EZH2: variants seen among roughly 807,000 people sequenced by gnomAD.
EZH2 encodes histone-lysine N-methyltransferase EZH2.
In EZH2, 18 loss-of-function variants were observed where a neutral mutation model predicts 98.4. The observed-to-expected ratio is 0.18, with a 90% CI of 0.13 to 0.27. The LOEUF (loss-of-function observed/expected upper bound fraction) is 0.27, where lower values mean the gene tolerates loss of function less well. EZH2 is among the 10% of genes least tolerant of loss of function. The pLI, the probability that EZH2 is intolerant of heterozygous loss-of-function variation, is 1.00. For synonymous variants in EZH2, 338 were observed against 312.3 expected (o/e 1.08, Z -0.87); for missense variants, 470 against 935.1 (o/e 0.50, Z 6.49).
At chr7:148,809,232 C>G in intron 18 of EZH2, 77 bp from the exon 19 acceptor site, 1 of 1,587,820 alleles carries the variant, frequency 6.3e-7, no homozygotes, top group Non-Finnish European at 8.6e-7. Context: ...ACATAACAAA[C>G]AACTATCCCA....
In EZH2 at chr7:148,846,419, G is replaced by A. The variant is rs1202801610; in HGVS notation, c.246+51C>T. On this transcript the variant is annotated intron_variant, in intron 3 of 19. Coordinates refer to ENST00000320356, the MANE Select transcript of EZH2 (RefSeq NM_004456.5). ...CAATAACCAAACAAATGTTCCAATAGCATAAACCAAAAGATGATGATAATT... is the reference window on the plus strand; with the variant it reads ...CAATAACCAAACAAATGTTCCAATAACATAAACCAAAAGATGATGATAATT... 4.4e-6 allele frequency: 7 copies of A among 1,576,660 alleles called. No homozygotes were observed. In the East Asian group the frequency reaches 1.4e-4, roughly 31 times the overall value.
intron 3 of EZH2, among the ~76,000 whole-genome samples, chr7:148,845,772 C>A (rs1225810810): frequency 6.6e-6 from 1 of 152,218 alleles, no homozygotes; most frequent in Non-Finnish European, 1.5e-5. Context: ...TGCTTCAACT[C>A]CCCTTTAAAT....
chr7:148,831,109 C>T (rs969138344), intron 4 of EZH2, among the ~76,000 whole-genome samples: 2 of 152,144 alleles, frequency 1.3e-5, no homozygotes, highest in African/African-American at 2.4e-5. Context: ...AAAGGCCACA[C>T]ACAGGACTAG....
At chr7:148,822,281 G>C (rs540860208) in intron 8 of EZH2, among the ~76,000 whole-genome samples, 2 of 151,608 alleles carry the variant, frequency 1.3e-5, no homozygotes, top group South Asian at 4.2e-4. Context: ...AGGCTGAGGC[G>C]GGCAGATCAC....
chr7:148,809,753 T>A (rs1000299182), intron 17 of EZH2, among the ~76,000 whole-genome samples: 9 of 152,194 alleles, frequency 5.9e-5, no homozygotes, highest in African/African-American at 2.2e-4. Context: ...ATAATGTCTA[T>A]AAAGCATTCA....
At chr7:148,858,438 T>C (rs530469802) in intron 1 of EZH2, among the ~76,000 whole-genome samples, 20 of 152,164 alleles carry the variant, frequency 1.3e-4, no homozygotes, top group Non-Finnish European at 2.4e-4. Flanking sequence ...TGGGCCCAAA[T>C]GATAATCCCA....
chr7:148,864,879 C>G lies in EZH2; in HGVS notation c.-7-17574G>C, dbSNP rs1333292368. Among the ~76,000 whole-genome samples, 4 of 152,082 alleles carry G rather than the reference C, an allele frequency of 2.6e-5. 1 individual carries two copies. The South Asian group carries it at 6.2e-4, about 24-fold the overall frequency. On this transcript the variant is annotated intron_variant, in intron 1 of 19. Transcript: ENST00000320356. ...AAGTGGCTCACGCCTGTAATCCTAG[C>G]ACTTTGGGAGGCCAAGGCGGGCGAA...
chr7:148,814,233 T>C, intron 14 of EZH2, 96 bp from the exon 15 acceptor site: 1 of 1,109,428 alleles, frequency 9.0e-7, no homozygotes. Context: ...TCTCACTGAC[T>C]CTCAACCCTC....
intron 1 of EZH2, among the ~76,000 whole-genome samples, chr7:148,859,730 C>G (rs1193825272): frequency 6.6e-6 from 1 of 152,102 alleles, no homozygotes; most frequent in Non-Finnish European, 1.5e-5. Context: ...AACCCAGGAG[C>G]AAACTATGTA....
chr7:148,810,179 C>G (rs1476728261), intron 17 of EZH2, 154 bp downstream of exon 17: 4 of 520,162 alleles, frequency 7.7e-6, no homozygotes, highest in Admixed American at 2.9e-5. Context: ...ATTCCTTGCT[C>G]CAGTTCCTTT....
chr7:148,875,412 G>A (rs1880358), intron 1 of EZH2, among the ~76,000 whole-genome samples: 112,317 of 152,116 alleles, frequency 0.74, 42,113 homozygotes, highest in African/African-American at 0.88. Flanking sequence ...AAGACCTCTT[G>A]CCACTCAACC....
chr7:148,862,008 G>A (rs1817748562), intron 1 of EZH2, among the ~76,000 whole-genome samples: 1 of 152,114 alleles, frequency 6.6e-6, no homozygotes, highest in African/African-American at 2.4e-5. Context: ...ATAGCCTTCT[G>A]AGGTCATTGT....
intron 19 of EZH2, among the ~76,000 whole-genome samples, chr7:148,808,188 C>T (rs553544495): frequency 1.3e-5 from 2 of 152,296 alleles, no homozygotes; most frequent in East Asian, 3.9e-4. Flanking sequence ...CACAAGAAGC[C>T]CACCATGGGG....
At chr7:148,884,022 AC>A (rs946922435) in intron 1 of EZH2, 141 bp downstream of exon 1, 19 of 151,286 alleles carry the variant, frequency 1.3e-4, no homozygotes, top group Middle Eastern at 3.2e-3. Flanking sequence ...CCGCACGCCT[AC>A]AAACGCGGCG....
intron 3 of EZH2, among the ~76,000 whole-genome samples, chr7:148,834,356 C>CATAT (rs1442837575): frequency 5.6e-4 from 31 of 55,044 alleles, no homozygotes; most frequent in African/African-American, 2.0e-3. Context: ...TATATATACA[C>CATAT]ACACACACAC....
intron 13 of EZH2, 31 bp from the exon 14 acceptor site, chr7:148,815,070 G>T: frequency 6.2e-7 from 1 of 1,606,668 alleles, no homozygotes; most frequent in Non-Finnish European, 8.5e-7. Context: ...GCAGGCCAAT[G>T]AATCCAGGGA....
In EZH2 at chr7:148,851,169, C is replaced by T. The variant is rs565239184; in HGVS notation, c.-7-3864G>A. ...TATAGGTATGAAAAGGAAGGGTGGCCTATCCATGCTTGAGCCAAAAAATGA... is the reference window on the plus strand; with the variant it reads ...TATAGGTATGAAAAGGAAGGGTGGCTTATCCATGCTTGAGCCAAAAAATGA... On this transcript the variant is annotated intron_variant, in intron 1 of 19. Transcript: ENST00000320356. Among the ~76,000 whole-genome samples, 4 of 152,130 alleles carry T rather than the reference C, an allele frequency of 2.6e-5. No homozygotes were observed. In the South Asian group the frequency reaches 8.3e-4, roughly 32 times the overall value.
At position 148,883,708 on chromosome 7, in the gene EZH2, T is replaced by C. The variant is rs1821370755; in HGVS notation, c.-8+456A>G. Among the ~76,000 whole-genome samples, 9 of 151,422 alleles carry C rather than the reference T, an allele frequency of 5.9e-5. No individual in the cohort carries two copies. In the South Asian group the frequency reaches 1.9e-3, roughly 31 times the overall value. On this transcript the variant is annotated intron_variant, in intron 1 of 19. Transcript: ENST00000320356. ...AGACACAGTCCGTCCTTTGTCTGAG[T>C]GCGGACTCGGCGGCTGGGTCCCACC...
intron 1 of EZH2, among the ~76,000 whole-genome samples, chr7:148,869,936 C>T (rs889007034): frequency 1.3e-5 from 2 of 152,210 alleles, no homozygotes; most frequent in African/African-American, 4.8e-5. Context: ...AAAATATCTT[C>T]TTGGTCTGGC....
Sources: allele counts gnomAD v4.1 joint callset (sites outside exome capture counted in the v4.1 genomes callset), GRCh38; gene constraint gnomAD v4.1.1; transcripts MANE v1.5; gene names NCBI Gene and HGNC (gene_info 2026-07-23, HGNC 2026-07-21).